ROBO1: variants seen among roughly 807,000 people sequenced by gnomAD.
ROBO1 encodes the protein roundabout homolog 1.
ROBO1 carries 149 observed loss-of-function variants against 195.9 expected under a neutral mutation model. That is an observed-to-expected ratio of 0.76 (90% CI 0.67 to 0.87). The LOEUF is 0.87. ROBO1 is among the 40% of genes least tolerant of loss of function. ROBO1 has a pLI of 0.00. For synonymous variants in ROBO1, 816 were observed against 733.2 expected (o/e 1.11, Z -1.82); for missense variants, 1,933 against 2,068.3 (o/e 0.93, Z 1.27).
intron 2 of ROBO1, among the ~76,000 whole-genome samples, chr3:79,554,318 A>T (rs1322294893): frequency 6.6e-6 from 1 of 152,054 alleles, no homozygotes; most frequent in African/African-American, 2.4e-5. Context: ...CAATGTAAAA[A>T]GTGTAATTCT....
intron 2 of ROBO1, among the ~76,000 whole-genome samples, chr3:79,493,584 CT>C (rs1939579779): frequency 6.6e-6 from 1 of 151,530 alleles, no homozygotes; most frequent in South Asian, 2.1e-4. Flanking sequence ...TTCATTTTTA[CT>C]GAAAATATTT....
chr3:79,448,571 C>G (rs1327659006), intron 2 of ROBO1, among the ~76,000 whole-genome samples: 2 of 152,072 alleles, frequency 1.3e-5, no homozygotes, highest in Admixed American at 1.3e-4. Flanking sequence ...AGGGTAATCC[C>G]CGCACCCCAC....
intron 4 of ROBO1, among the ~76,000 whole-genome samples, chr3:78,750,162 A>T (rs1468261134): frequency 6.6e-6 from 1 of 152,156 alleles, no homozygotes; most frequent in Non-Finnish European, 1.5e-5. Flanking sequence ...TTTAAAAAAA[A>T]GTGGTTCACT....
chr3:79,599,047 A>G (rs924783943), intron 1 of ROBO1, among the ~76,000 whole-genome samples: 1 of 152,208 alleles, frequency 6.6e-6, no homozygotes, highest in Non-Finnish European at 1.5e-5. Context: ...GCTGGTACTC[A>G]GGGCTGGGAG....
chr3:78,851,665 T>C (rs1322629186), intron 4 of ROBO1, among the ~76,000 whole-genome samples: 2 of 152,198 alleles, frequency 1.3e-5, no homozygotes, highest in Non-Finnish European at 2.9e-5. Flanking sequence ...TGAAAATATA[T>C]AAATCAATTT....
chr3:79,556,976 C>T (rs1348857208), intron 2 of ROBO1, among the ~76,000 whole-genome samples: 5 of 149,248 alleles, frequency 3.4e-5, no homozygotes, highest in Admixed American at 1.3e-4. Context: ...TCATCTCCCA[C>T]CAATGACATT....
chr3:79,077,007 C>T (rs1430507934), intron 3 of ROBO1, among the ~76,000 whole-genome samples: 3 of 151,744 alleles, frequency 2.0e-5, no homozygotes, highest in African/African-American at 7.3e-5. Context: ...ATTTAATTGA[C>T]ACATAAAGAT....
intron 2 of ROBO1, among the ~76,000 whole-genome samples, chr3:79,145,606 A>G (rs1045993739): frequency 1.3e-5 from 2 of 151,990 alleles, no homozygotes; most frequent in Non-Finnish European, 2.9e-5. Context: ...CTACCACTGT[A>G]AGATATGACA....
At chr3:79,551,980 T>TAAAAAAAAAAAAAAAAA (rs771824432) in intron 2 of ROBO1, among the ~76,000 whole-genome samples, 1 of 44,222 alleles carries the variant, frequency 2.3e-5, no homozygotes, top group African/African-American at 9.2e-5. Flanking sequence ...TCTACAGAGT[T>TAAAAAAAAAAAAAAAAA]AAAAAAAAAA....
At chr3:79,694,316 C>G (rs1947379876) in intron 1 of ROBO1, among the ~76,000 whole-genome samples, 1 of 151,640 alleles carries the variant, frequency 6.6e-6, no homozygotes, top group Non-Finnish European at 1.5e-5. Context: ...AAAAAAATGG[C>G]CTATTTACTT....
intron 1 of ROBO1, among the ~76,000 whole-genome samples, chr3:79,766,055 C>T (rs760786825): frequency 2.6e-5 from 4 of 151,982 alleles, no homozygotes; most frequent in Non-Finnish European, 5.9e-5. Context: ...CAGGGTTAAA[C>T]TACCCTGTGA....
intron 1 of ROBO1, among the ~76,000 whole-genome samples, chr3:79,631,620 C>G (rs2108026439): frequency 6.6e-6 from 1 of 151,910 alleles, no homozygotes; most frequent in Non-Finnish European, 1.5e-5. Flanking sequence ...GCAGCAGAAA[C>G]AAAATAAGAC....
At chr3:79,699,268 T>A (rs1442587144) in intron 1 of ROBO1, among the ~76,000 whole-genome samples, 1 of 151,316 alleles carries the variant, frequency 6.6e-6, no homozygotes, top group Non-Finnish European at 1.5e-5. Flanking sequence ...ATATATGGTA[T>A]GGAATTTTTC....
intron 3 of ROBO1, among the ~76,000 whole-genome samples, chr3:79,080,348 T>C (rs560758920): frequency 1.8e-4 from 27 of 151,994 alleles, no homozygotes; most frequent in African/African-American, 6.0e-4. Context: ...CATGAAAATA[T>C]GTGTTTCTAG....
At chr3:78,982,893 A>G (rs1202845662) in intron 3 of ROBO1, among the ~76,000 whole-genome samples, 2 of 152,100 alleles carry the variant, frequency 1.3e-5, no homozygotes, top group Non-Finnish European at 2.9e-5. Context: ...TGTTGGGATT[A>G]CAGGTGTGAG....
chr3:78,797,009 T>G (rs1367592126), intron 4 of ROBO1, among the ~76,000 whole-genome samples: 1 of 152,202 alleles, frequency 6.6e-6, no homozygotes, highest in Non-Finnish European at 1.5e-5. Context: ...ACTTTTCACC[T>G]CATGTATTTC....
At chr3:79,752,922 A>C (rs1413658962) in intron 1 of ROBO1, among the ~76,000 whole-genome samples, 1 of 152,214 alleles carries the variant, frequency 6.6e-6, no homozygotes, top group African/African-American at 2.4e-5. Context: ...TTAATTTAAA[A>C]GACCGGAGGC....
At chr3:78,854,586 T>C (rs1475934587) in intron 4 of ROBO1, among the ~76,000 whole-genome samples, 1 of 151,894 alleles carries the variant, frequency 6.6e-6, no homozygotes, top group Non-Finnish European at 1.5e-5. Flanking sequence ...TCTTCTTTAT[T>C]CATGTCTCTA....
At chr3:79,209,510 TAG>T (rs2081933976) in intron 2 of ROBO1, among the ~76,000 whole-genome samples, 1 of 152,124 alleles carries the variant, frequency 6.6e-6, no homozygotes, top group Admixed American at 6.6e-5. Flanking sequence ...TTCCTTTGGG[TAG>T]CTACCCAGCA....
Sources: gnomAD v4.1 joint callset for allele counts (sites outside exome capture counted in the v4.1 genomes callset) on GRCh38, gnomAD v4.1.1 for gene constraint, MANE v1.5 for transcripts, NCBI Gene and HGNC (gene_info 2026-07-23, HGNC 2026-07-21) for gene names.